GRAMD4: variants seen among roughly 807,000 people sequenced by gnomAD.
GRAMD4 encodes the protein GRAM domain containing 4, also known as GRAM domain-containing protein 4.
GRAMD4 carries 25 observed loss-of-function variants against 83.9 expected under a neutral mutation model. That is an observed-to-expected ratio of 0.30 (90% CI 0.22 to 0.42). The LOEUF (loss-of-function observed/expected upper bound fraction) is 0.42. Ranked by LOEUF, GRAMD4 falls within the 10% of genes least tolerant of loss-of-function variation. The pLI, the probability that GRAMD4 is intolerant of heterozygous loss-of-function variation, is 1.00. For missense variants in GRAMD4, 593 were observed against 788.7 expected (o/e 0.75, Z 2.97); for synonymous variants, 336 against 320.9 (o/e 1.05, Z -0.50).
chr22:46,664,635 C>T (rs1342289599), intron 8 of GRAMD4, among the ~76,000 whole-genome samples: 2 of 152,234 alleles, frequency 1.3e-5, no homozygotes, highest in African/African-American at 4.8e-5. Context: ...GCGGCTGCCC[C>T]AGCGGGACAG....
chr22:46,598,276 C>T (rs550261386), intron 1 of GRAMD4, among the ~76,000 whole-genome samples: 44 of 152,266 alleles, frequency 2.9e-4, no homozygotes, highest in Middle Eastern at 6.8e-3. Flanking sequence ...GCCACCACAC[C>T]TGGCTGGGTG....
chr22:46,638,237 T>G (rs1226464251), intron 3 of GRAMD4, among the ~76,000 whole-genome samples: 11 of 152,230 alleles, frequency 7.2e-5, no homozygotes, highest in Admixed American at 7.2e-4. Flanking sequence ...GCCTTTCCCC[T>G]GCGGGGTAAA....
chr22:46,617,481 CT>C (rs1034171950), upstream of GRAMD4, among the ~76,000 whole-genome samples: 24 of 151,718 alleles, frequency 1.6e-4, no homozygotes, highest in Middle Eastern at 3.2e-3. Flanking sequence ...GTAGGTTCCC[CT>C]GTGCGTGTAG....
At chr22:46,603,515 CTTTT>C (rs71192425) in intron 1 of GRAMD4, among the ~76,000 whole-genome samples, 2,812 of 81,470 alleles carry the variant, frequency 0.035, 135 homozygotes, top group African/African-American at 0.12. Flanking sequence ...GGCCTCTTCT[CTTTT>C]TTTTTTTTTT....
At position 46,678,748 on chromosome 22, in the gene GRAMD4, G is replaced by A. The variant is rs764570170; in HGVS notation, c.*1497G>A. On this transcript the variant is annotated 3_prime_UTR_variant, in exon 19 of 19. Transcript: ENST00000406902. ...TTTGCTCCGATCCTCATTTGCTGGT[G>A]TGGGTGAGGGATCCGGCGGCATGGG... 7 of 985,886 alleles carry A rather than the reference G, an allele frequency of 7.1e-6. No individual in the cohort carries two copies. Among genetic ancestry groups the A allele is most frequent in the Non-Finnish European group, 8.4e-6 (7 of 829,932 alleles). The allele number at this position is 985,886 out of a possible 1,614,324, so 61.1% of individuals were successfully genotyped here. A position where few individuals can be genotyped will look rare whatever the true frequency, so the allele number is the denominator to read the frequency against.
upstream of GRAMD4, among the ~76,000 whole-genome samples, chr22:46,617,856 G>A (rs2081525116): frequency 6.6e-6 from 1 of 152,218 alleles, no homozygotes; most frequent in Non-Finnish European, 1.5e-5. Context: ...TATGACTCAA[G>A]CCTGAAGATA....
rs748390103 is a variant in GRAMD4, at chr22:46,668,866, G to A, written c.1042G>A (p.Ala348Thr). ...LYVALWAAFL[A>T]SCFFPYRLVG... Reference sequence around the variant, plus strand: ...TGTGGCGCTCTGGGCTGCCTTCCTGGCCTCCTGCTTCTTCCCCTACCGCCT... The same window carrying A: ...TGTGGCGCTCTGGGCTGCCTTCCTGACCTCCTGCTTCTTCCCCTACCGCCT... The change falls in exon 13 of 19, where the codon GCC (alanine) becomes ACC (threonine). Residue 348 changes from alanine (A) to threonine (T), a missense_variant. Ala to Thr is a moderately conservative substitution (Grantham distance 58, BLOSUM62 0). Transcript: ENST00000406902. The A allele has an allele frequency of 6.2e-7, 1 of 1,612,248 alleles. No homozygotes were observed. Among genetic ancestry groups the A allele is most frequent in the South Asian group, 1.1e-5 (1 of 91,056 alleles).
rs553356968 is a variant in GRAMD4, at chr22:46,622,546, TAGACA to T, written c.-50+1986_-50+1990del. Among the ~76,000 whole-genome samples, 372 of 152,284 alleles carry T rather than the reference TAGACA, an allele frequency of 2.4e-3. 8 individuals are homozygous for T. Among genetic ancestry groups the T allele is most frequent in the Admixed American group, 0.02 (313 of 15,308 alleles). On this transcript the variant is annotated intron_variant, in intron 1 of 18. Coordinates refer to ENST00000406902, the MANE Select transcript of GRAMD4 (RefSeq NM_015124.5). The surrounding 1 kb of genome is among the most constrained non-coding windows in gnomAD (Gnocchi z 4.0). ...CCTATTCAGTGAGCAGAGTTTCAGTTAGACAAGACGAGTCCGGAGGCAGCCGCTCA... is the reference window on the plus strand; with the variant it reads ...CCTATTCAGTGAGCAGAGTTTCAGTTAGACGAGTCCGGAGGCAGCCGCTCA...
intron 1 of GRAMD4, among the ~76,000 whole-genome samples, chr22:46,611,367 G>T (rs1187340971): frequency 6.6e-6 from 1 of 152,112 alleles, no homozygotes; most frequent in Non-Finnish European, 1.5e-5. Context: ...GTGGGGTGAC[G>T]GGTGCTAAGC....
upstream of GRAMD4, among the ~76,000 whole-genome samples, chr22:46,618,301 A>G (rs115506173): frequency 3.4e-3 from 516 of 152,280 alleles, 2 homozygotes; most frequent in African/African-American, 0.012. The surrounding 1 kb of genome is among the most constrained non-coding windows in gnomAD (Gnocchi z 5.8). Context: ...GTTCTAACCA[A>G]GCAGGACTGG....
Position 46,620,492 on chromosome 22 carries a change from A to G in GRAMD4, c.-123A>G, listed in dbSNP as rs1166952115. ...TATGGTTCCTGGGTCCTCGTAGCAC[A>G]TCCTGGTTCTGGGCCAGGACCTGAA... is the stretch of plus-strand genomic sequence containing the variant. On this transcript the variant is annotated 5_prime_UTR_variant, in exon 1 of 19. Transcript: ENST00000406902. The surrounding 1 kb of genome is among the most constrained non-coding windows in gnomAD (Gnocchi z 4.7). 6.1e-6 allele frequency: 6 copies of G among 983,026 alleles called. No homozygotes were observed. Among genetic ancestry groups the G allele is most frequent in the Middle Eastern group, 5.3e-4 (1 of 1,902 alleles). The allele number at this position is 983,026 out of a possible 1,614,324, so 60.9% of individuals were successfully genotyped here. A position where few individuals can be genotyped will look rare whatever the true frequency, so the allele number is the denominator to read the frequency against.
Position 46,672,837 on chromosome 22 carries a change from C to T in GRAMD4, c.1085-6C>T. On this transcript the variant is annotated splice_region_variant and splice_polypyrimidine_tract_variant and intron_variant, in intron 13 of 18. Coordinates refer to ENST00000406902, the MANE Select transcript of GRAMD4 (RefSeq NM_015124.5). This position sits in a 1 kb window ranked among gnomAD's most constrained non-coding sequence, Gnocchi z 4.7. ...AGATGGAGCAGGCTGTGTCCCCTGC[C>T]CTCAGGACTCTATGCTGGTATCAAG... The T allele has an allele frequency of 1.2e-6, 2 of 1,609,574 alleles. No homozygotes were observed. The highest frequency in any genetic ancestry group is 2.2e-5 in the East Asian group (1 of 44,854).
intron 1 of GRAMD4, among the ~76,000 whole-genome samples, chr22:46,608,315 CCAG>C (rs2081384931): frequency 6.6e-6 from 1 of 152,156 alleles, no homozygotes; most frequent in African/African-American, 2.4e-5. Context: ...TCAGAGCACC[CCAG>C]CTGGCAGGTG....
intron 13 of GRAMD4, 143 bp downstream of exon 13, chr22:46,669,051 T>C (rs948458190): frequency 4.9e-6 from 3 of 608,134 alleles, no homozygotes; most frequent in South Asian, 1.9e-5. Flanking sequence ...ATGTTTCAAT[T>C]TGGGAGAAGT....
At chr22:46,582,753 A>C (rs2147904528) in intron 1 of GRAMD4, among the ~76,000 whole-genome samples, 1 of 152,226 alleles carries the variant, frequency 6.6e-6, no homozygotes, top group African/African-American at 2.4e-5. Flanking sequence ...TTGAGGTGTA[A>C]TTCACACATC....
chr22:46,578,885 G>A (rs993362041), intron 1 of GRAMD4, among the ~76,000 whole-genome samples: 1 of 152,214 alleles, frequency 6.6e-6, no homozygotes, highest in Non-Finnish European at 1.5e-5. Flanking sequence ...AGACCTCGAA[G>A]CCCCACAGTC....
chr22:46,613,463 C>A (rs1359084127), intron 1 of GRAMD4, among the ~76,000 whole-genome samples: 1 of 152,262 alleles, frequency 6.6e-6, no homozygotes, highest in African/African-American at 2.4e-5. Flanking sequence ...CAACCCCTAG[C>A]CCCGCACAGG....
intron 1 of GRAMD4, among the ~76,000 whole-genome samples, chr22:46,579,079 C>G (rs770088537): frequency 6.6e-6 from 1 of 152,232 alleles, no homozygotes; most frequent in Non-Finnish European, 1.5e-5. Context: ...GGGGCCTGTC[C>G]GGTGATGTCT....
At chr22:46,654,015 G>A (rs1399555079) in intron 3 of GRAMD4, among the ~76,000 whole-genome samples, 2 of 152,344 alleles carry the variant, frequency 1.3e-5, no homozygotes, top group African/African-American at 2.4e-5. Flanking sequence ...TGAGCCAGGC[G>A]GACGCTCCCT....
Sources: gnomAD v4.1 joint callset for allele counts (sites outside exome capture counted in the v4.1 genomes callset) on GRCh38, gnomAD v4.1.1 for gene constraint, Gnocchi (gnomAD v3.1) non-coding constraint, MANE v1.5 for transcripts, NCBI Gene and HGNC (gene_info 2026-07-23, HGNC 2026-07-21) for gene names.